Variants in TNS3 observed in about 807,000 individuals in gnomAD.
TNS3 encodes the protein tensin 3.
A neutral mutation model predicts 140.9 loss-of-function variants in TNS3; 45 were observed. The ratio of observed to expected loss-of-function variants is 0.32; its 90% CI spans 0.25 to 0.41. TNS3 has a LOEUF of 0.41. Ranked by LOEUF, TNS3 falls within the 10% of genes least tolerant of loss-of-function variation. TNS3 has a pLI of 1.00. For synonymous variants in TNS3, 815 were observed against 788.4 expected (o/e 1.03, Z -0.56); for missense variants, 1,716 against 1,906.7 (o/e 0.90, Z 1.86).
At chr7:47,485,306 ACAGTGC>A (rs1475432100) in intron 3 of TNS3, among the ~76,000 whole-genome samples, 3 of 152,174 alleles carry the variant, frequency 2.0e-5, no homozygotes, top group Admixed American at 2.0e-4. Context: ...TAAACACGAA[ACAGTGC>A]CCTGTCTGTA....
At chr7:47,435,438 A>G (rs766264561) in intron 7 of TNS3, 34 bp from the exon 8 acceptor site, 4 of 1,609,708 alleles carry the variant, frequency 2.5e-6, no homozygotes, top group South Asian at 1.1e-5. Context: ...CTCGGTTTCC[A>G]TTTCCTAAAA....
In TNS3 at chr7:47,292,868, C is replaced by T. The variant is rs766332262; in HGVS notation, c.3810G>A (p.Thr1270=). Residue 1270 remains threonine, a synonymous_variant, in exon 26 of 31, where the codon ACG becomes ACA. Transcript: ENST00000311160. ...LTALVCQHSI[T]PLALPCKLLI... ...GCAGCTTGCACGGCAAGGCCAAGGG[C>T]GTGATGGAATGCTGGCACACCAAGG... The T allele has an allele frequency of 3.5e-5, 57 of 1,614,002 alleles. No homozygotes were observed. Among genetic ancestry groups the T allele is most frequent in the Non-Finnish European group, 4.2e-5 (49 of 1,180,034 alleles).
At chr7:47,578,317 AAAAT>A (rs950106387) in intron 1 of TNS3, among the ~76,000 whole-genome samples, 10 of 152,148 alleles carry the variant, frequency 6.6e-5, no homozygotes, top group Non-Finnish European at 1.5e-4. Flanking sequence ...CAAAAAAATA[AAAAT>A]AAAAAAATAA....
chr7:47,318,663 C>G lies in TNS3; in HGVS notation c.2651-13660G>C, dbSNP rs201549064. ...ACCCACAAACAGAGGAAGTATTGCC[C>G]TTCACAAGCAGAGAGAGAACCTGCA... On this transcript the variant is annotated intron_variant, in intron 20 of 30. Coordinates refer to ENST00000311160, the MANE Select transcript of TNS3 (RefSeq NM_022748.12). Among the ~76,000 whole-genome samples the G allele has an allele frequency of 5.9e-5, 9 of 152,214 alleles. No homozygotes were observed. In the East Asian group the frequency reaches 1.7e-3, roughly 29 times the overall value.
chr7:47,508,309 A>G lies in TNS3; in HGVS notation c.-152-1365T>C, dbSNP rs773379986. ...TTTTGAATTGCTGAATTGTCATTCT[A>G]TACCTTGAGGTTTGTAAGATTATTC... On this transcript the variant is annotated intron_variant, in intron 2 of 30. Transcript: ENST00000311160. Among the ~76,000 whole-genome samples the G allele has an allele frequency of 6.4e-4, 98 of 152,246 alleles. 2 individuals carry two copies. Among genetic ancestry groups the G allele is most frequent in the Admixed American group, 1.5e-3 (23 of 15,278 alleles).
At chr7:47,474,646 A>G (rs376221520) in intron 4 of TNS3, among the ~76,000 whole-genome samples, 20 of 144,540 alleles carry the variant, frequency 1.4e-4, no homozygotes, top group African/African-American at 4.1e-4. Flanking sequence ...AACACACACC[A>G]CAACACACAC....
intron 16 of TNS3, among the ~76,000 whole-genome samples, chr7:47,392,118 G>A (rs1338088883): frequency 6.6e-6 from 1 of 152,178 alleles, no homozygotes; most frequent in African/African-American, 2.4e-5. Context: ...CACACTGTGT[G>A]CCGCGAGATA....
At chr7:47,348,247 G>A (rs1432182848) in intron 17 of TNS3, among the ~76,000 whole-genome samples, 1 of 152,230 alleles carries the variant, frequency 6.6e-6, no homozygotes, top group African/African-American at 2.4e-5. Context: ...TGTTAGTGAC[G>A]GAAAGGAAGT....
At position 47,520,700 on chromosome 7, in the gene TNS3, G is replaced by A. The variant is rs575289231; in HGVS notation, c.-153+8336C>T. Among the ~76,000 whole-genome samples, 36 of 152,270 alleles carry A rather than the reference G, an allele frequency of 2.4e-4. No homozygotes were observed. In the East Asian group the frequency reaches 2.7e-3, roughly 11 times the overall value. On this transcript the variant is annotated intron_variant, in intron 2 of 30. Transcript: ENST00000311160. ...TGCTTCCCATCGGATAACCACCACC[G>A]ACCAGAAATTATTCAGATGAAATTT...
chr7:47,324,217 G>A (rs6942767), intron 20 of TNS3, among the ~76,000 whole-genome samples: 15,573 of 152,170 alleles, frequency 0.1, 967 homozygotes, highest in African/African-American at 0.17. Context: ...CATGTTTACC[G>A]AATTTTCTAT....
chr7:47,414,996 C>G, intron 11 of TNS3, 98 bp downstream of exon 11: 1 of 877,708 alleles, frequency 1.1e-6, no homozygotes. Context: ...TGGGCCCTCT[C>G]GGAAGGAAAG....
chr7:47,542,426 C>T (rs1441986550), intron 1 of TNS3, among the ~76,000 whole-genome samples: 2 of 152,204 alleles, frequency 1.3e-5, no homozygotes, highest in Admixed American at 1.3e-4. Context: ...CACAGAGCCA[C>T]TGTCCTGGCA....
At chr7:47,537,807 CT>C (rs1799657117) in intron 1 of TNS3, among the ~76,000 whole-genome samples, 1 of 152,128 alleles carries the variant, frequency 6.6e-6, no homozygotes, top group South Asian at 2.1e-4. Context: ...TAATTTGCTT[CT>C]TCTACTAAAA....
chr7:47,494,120 C>A (rs1797914661), intron 3 of TNS3, among the ~76,000 whole-genome samples: 1 of 152,224 alleles, frequency 6.6e-6, no homozygotes, highest in African/African-American at 2.4e-5. Context: ...ACTTCCACCC[C>A]TGTTCACAAA....
intron 8 of TNS3, among the ~76,000 whole-genome samples, chr7:47,429,113 T>C (rs1490910648): frequency 6.6e-6 from 1 of 152,254 alleles, no homozygotes; most frequent in Admixed American, 6.5e-5. Context: ...CATTACCTAC[T>C]TTCCCACAAC....
chr7:47,438,244 A>G (rs983227226), intron 6 of TNS3, among the ~76,000 whole-genome samples: 1 of 152,124 alleles, frequency 6.6e-6, no homozygotes, highest in East Asian at 1.9e-4. Context: ...CCTGCACAAG[A>G]AAAAGATCCC....
intron 20 of TNS3, among the ~76,000 whole-genome samples, chr7:47,306,871 G>A (rs569852856): frequency 5.9e-5 from 9 of 152,252 alleles, no homozygotes; most frequent in South Asian, 2.1e-4. Flanking sequence ...GCCACCACGC[G>A]TGGCCTAGAA....
At chr7:47,546,179 C>T (rs941640164) in intron 1 of TNS3, among the ~76,000 whole-genome samples, 2 of 152,216 alleles carry the variant, frequency 1.3e-5, no homozygotes, top group Non-Finnish European at 1.5e-5. Context: ...TTCTGGGCCA[C>T]AGTTTCTTCA....
At chr7:47,332,471 C>T (rs140169813) in intron 20 of TNS3, among the ~76,000 whole-genome samples, 1 of 152,164 alleles carries the variant, frequency 6.6e-6, no homozygotes. Flanking sequence ...GGCTCAGGCC[C>T]GAGCTGTGGA....
Sources: gnomAD v4.1 joint callset for allele counts (sites outside exome capture counted in the v4.1 genomes callset) on GRCh38, gnomAD v4.1.1 for gene constraint, MANE v1.5 for transcripts, NCBI Gene and HGNC (gene_info 2026-07-23, HGNC 2026-07-21) for gene names.